RASSF6: variants seen among roughly 807,000 people sequenced by gnomAD.
RASSF6 encodes Ras association domain family member 6, also known as ras association domain-containing protein 6.
RASSF6 carries 52 observed loss-of-function variants against 44.0 expected under a neutral mutation model. The ratio of observed to expected loss-of-function variants is 1.18; its 90% CI spans 0.95 to 1.49. The LOEUF (loss-of-function observed/expected upper bound fraction) is 1.49, where lower values mean the gene tolerates loss of function less well. Ranked by LOEUF, RASSF6 falls within the 40% of genes most tolerant of loss-of-function variation. The pLI, the probability that RASSF6 is intolerant of heterozygous loss-of-function variation, is 0.00. For missense variants in RASSF6, 464 were observed against 393.3 expected (o/e 1.18, Z -1.52); for synonymous variants, 162 against 124.6 (o/e 1.30, Z -2.00).
intron 3 of RASSF6, among the ~76,000 whole-genome samples, chr4:73,596,024 C>G (rs1724917705): frequency 6.6e-6 from 1 of 152,018 alleles, no homozygotes; most frequent in African/African-American, 2.4e-5. Flanking sequence ...AAAGTGAGCT[C>G]CATCAGAATA....
intron 3 of RASSF6, among the ~76,000 whole-genome samples, chr4:73,598,417 T>C (rs935840636): frequency 2.0e-5 from 3 of 152,226 alleles, no homozygotes; most frequent in African/African-American, 7.2e-5. Flanking sequence ...GTTAAAATAT[T>C]CATATTCTAT....
At position 73,620,303 on chromosome 4, in the gene RASSF6, T is replaced by G; in HGVS notation, c.-50A>C. On this transcript the variant is annotated 5_prime_UTR_variant, in exon 1 of 11. Coordinates refer to ENST00000307439, the MANE Select transcript of RASSF6 (RefSeq NM_177532.5). ...CATTTTTTACCTGTTATTCACACTG[T>G]GAGCAGGAGGACCCTTTTCACCATC... 6.9e-7 allele frequency: 1 copy of G among 1,450,704 alleles called. No individual in the cohort carries two copies. Among genetic ancestry groups the G allele is most frequent in the Non-Finnish European group, 9.1e-7 (1 of 1,104,402 alleles). 89.9% of individuals were successfully genotyped at this position (1,450,704 alleles called of 1,614,324 possible). A position where few individuals can be genotyped will look rare whatever the true frequency, so the allele number is the denominator to read the frequency against.
rs1288306761 is a variant in RASSF6, at chr4:73,581,812, C to T, written c.721+5G>A. 1 of 1,602,856 alleles carries T rather than the reference C, an allele frequency of 6.2e-7. No individual in the cohort carries two copies. The highest frequency in any genetic ancestry group is 8.5e-7 in the Non-Finnish European group (1 of 1,170,324). On this transcript the variant is annotated splice_donor_5th_base_variant and intron_variant, in intron 8 of 10. Coordinates refer to ENST00000307439, the MANE Select transcript of RASSF6 (RefSeq NM_177532.5). ...CAGGTAAAAAGTGTGATCAAGCTTTCTTACCTCCTGTTGCAAAAATAATGT... is the reference window on the plus strand; with the variant it reads ...CAGGTAAAAAGTGTGATCAAGCTTTTTTACCTCCTGTTGCAAAAATAATGT...
At chr4:73,593,380 A>C in intron 4 of RASSF6, 71 bp downstream of exon 4, 1 of 1,396,876 alleles carries the variant, frequency 7.2e-7, no homozygotes, top group African/African-American at 1.5e-5. Context: ...TTCCCTCCTT[A>C]AGAGTGCACG....
At chr4:73,615,907 A>G in intron 1 of RASSF6, 1 of 1,550,536 alleles carries the variant, frequency 6.4e-7, no homozygotes, top group Non-Finnish European at 8.7e-7. Flanking sequence ...CCTTGTGACC[A>G]GAATGAGGCC....
At chr4:73,612,650 T>C (rs931221231) in intron 1 of RASSF6, among the ~76,000 whole-genome samples, 7 of 152,180 alleles carry the variant, frequency 4.6e-5, no homozygotes, top group African/African-American at 1.4e-4. Flanking sequence ...GCTATTCTTC[T>C]ATTCTCATAA....
intron 8 of RASSF6, among the ~76,000 whole-genome samples, chr4:73,579,748 A>C (rs968208312): frequency 6.6e-6 from 1 of 152,096 alleles, no homozygotes; most frequent in Non-Finnish European, 1.5e-5. Context: ...ATTGTTACAC[A>C]GTCCAGTATT....
chr4:73,594,817 C>G (rs768439412), intron 3 of RASSF6, among the ~76,000 whole-genome samples: 1 of 152,170 alleles, frequency 6.6e-6, no homozygotes, highest in African/African-American at 2.4e-5. Context: ...CTCTGCCTAA[C>G]TAGAACTCAA....
chr4:73,582,970 C>T (rs1247456385), intron 6 of RASSF6, among the ~76,000 whole-genome samples: 1 of 152,046 alleles, frequency 6.6e-6, no homozygotes, highest in African/African-American at 2.4e-5. Flanking sequence ...TATTTGTAGA[C>T]ATTTTAGAGC....
intron 6 of RASSF6, among the ~76,000 whole-genome samples, chr4:73,584,879 G>C (rs1723953536): frequency 6.6e-6 from 1 of 152,078 alleles, no homozygotes; most frequent in South Asian, 2.1e-4. Flanking sequence ...TACTACTTAA[G>C]AGTAGCATAA....
chr4:73,618,475 C>A (rs1258560015), intron 1 of RASSF6, among the ~76,000 whole-genome samples: 1 of 152,008 alleles, frequency 6.6e-6, no homozygotes, highest in African/African-American at 2.4e-5. Context: ...AGGCAAATAA[C>A]TTTGTTTAAG....
At chr4:73,579,306 T>C (rs1265508824) in intron 8 of RASSF6, among the ~76,000 whole-genome samples, 1 of 152,142 alleles carries the variant, frequency 6.6e-6, no homozygotes, top group Admixed American at 6.5e-5. Flanking sequence ...TTCTCACAAA[T>C]GGAATGGTCA....
chr4:73,575,569 G>C lies in RASSF6; in HGVS notation c.*666C>G, dbSNP rs1029054620. 1 of 152,030 alleles carries C rather than the reference G, an allele frequency of 6.6e-6. No individual in the cohort carries two copies. The highest frequency in any genetic ancestry group is 2.4e-5 in the African/African-American group (1 of 41,408). The allele number at this position is 152,030 out of a possible 1,614,324, so 9.4% of individuals were successfully genotyped here. On this transcript the variant is annotated 3_prime_UTR_variant, in exon 11 of 11. Coordinates refer to ENST00000307439, the MANE Select transcript of RASSF6 (RefSeq NM_177532.5). ...TAACTTAAAAAAGAGCTTAAGAAAA[G>C]CTTTGAACTGATGAAAGGTCTTTCA...
intron 4 of RASSF6, among the ~76,000 whole-genome samples, chr4:73,590,485 C>G (rs562470464): frequency 6.6e-6 from 1 of 152,290 alleles, no homozygotes; most frequent in South Asian, 2.1e-4. Flanking sequence ...CAGTAAATTT[C>G]TTTTCACAAT....
At chr4:73,596,244 G>A (rs1424919531) in intron 3 of RASSF6, among the ~76,000 whole-genome samples, 2 of 151,776 alleles carry the variant, frequency 1.3e-5, no homozygotes, top group East Asian at 1.9e-4. Flanking sequence ...AAACCCCATC[G>A]TTCCAGCCCA....
Position 73,613,504 on chromosome 4 carries a change from C to T in RASSF6, c.-34-1675G>A, listed in dbSNP as rs549594411. 2.3e-3 allele frequency among the ~76,000 whole-genome samples: 353 copies of T among 152,170 alleles called. 2 individuals carry two copies. The highest frequency in any genetic ancestry group is 4.2e-3 in the Non-Finnish European group (283 of 67,996). ...CCACCAAAAGGGTTATTAATGTCCC[C>T]GACTGAAATCCCCCAGTGATGACCC... On this transcript the variant is annotated intron_variant, in intron 1 of 10. Transcript: ENST00000307439.
Position 73,586,194 on chromosome 4 carries a change from CATT to C in RASSF6, c.383-833_383-831del, listed in dbSNP as rs1420550253. 1.3e-4 allele frequency among the ~76,000 whole-genome samples: 20 copies of C among 151,802 alleles called. No homozygotes were observed. In the East Asian group the frequency reaches 3.5e-3, roughly 27 times the overall value. ...TAGTCCTACTATTTGTAATATATCA[CATT>C]ATGTTCTTTTTAGAACATTCCAGAT... is the stretch of plus-strand genomic sequence containing the variant. On this transcript the variant is annotated intron_variant, in intron 5 of 10. Coordinates refer to ENST00000307439, the MANE Select transcript of RASSF6 (RefSeq NM_177532.5).
chr4:73,576,546 C>A (rs751422184), intron 9 of RASSF6, 39 bp from the exon 10 acceptor site: 6 of 1,549,950 alleles, frequency 3.9e-6, no homozygotes, highest in Non-Finnish European at 5.3e-6. Context: ...GAAAGCAGAA[C>A]AATTATGCAA....
At position 73,571,659 on chromosome 4, in the gene RASSF6, A is replaced by G. The variant is rs1181712228; in HGVS notation, c.*4576T>C. 1 of 152,184 alleles carries G rather than the reference A, an allele frequency of 6.6e-6. No homozygotes were observed. The highest frequency in any genetic ancestry group is 1.9e-4 in the East Asian group (1 of 5,186). The allele number at this position is 152,184 out of a possible 1,614,324, so 9.4% of individuals were successfully genotyped here. ...AATATTTCAGATAATTCCTTCACTC[A>G]TTCATTTATTCTTTCATTCACTTAT... On this transcript the variant is annotated 3_prime_UTR_variant, in exon 11 of 11. Transcript: ENST00000307439.
Sources: allele counts gnomAD v4.1 joint callset (sites outside exome capture counted in the v4.1 genomes callset), GRCh38; gene constraint gnomAD v4.1.1; transcripts MANE v1.5; gene names NCBI Gene and HGNC (gene_info 2026-07-23, HGNC 2026-07-21).